The following RBFOX1 variants were observed in gnomAD, a reference collection of about 807,000 sequenced individuals.
RBFOX1 encodes RNA binding fox-1 homolog 1.
RBFOX1 carries 8 observed loss-of-function variants against 57.7 expected under a neutral mutation model. The ratio of observed to expected loss-of-function variants is 0.14; its 90% CI spans 0.08 to 0.25. The LOEUF is 0.25. RBFOX1 is among the 10% of genes least tolerant of loss of function. The pLI, the probability that RBFOX1 is intolerant of heterozygous loss-of-function variation, is 1.00. For synonymous variants in RBFOX1, 326 were observed against 222.4 expected, an observed-to-expected ratio of 1.47 and a Z score of -4.15; for missense variants, 611 against 548.5, an observed-to-expected ratio of 1.11 and a Z score of -1.14.
intron 3 of RBFOX1, among the ~76,000 whole-genome samples, chr16:6,992,872 T>C (rs902283669): frequency 6.7e-6 from 1 of 149,828 alleles, no homozygotes; most frequent in African/African-American, 2.5e-5. Flanking sequence ...GATACTTCAA[T>C]ATATTCAGTG....
At chr16:7,646,274 T>A (rs113472451) in intron 11 of RBFOX1, among the ~76,000 whole-genome samples, 2,221 of 152,300 alleles carry the variant, frequency 0.015, 65 homozygotes, top group African/African-American at 0.05. Flanking sequence ...TGGCTGGTGG[T>A]TTATTTCGCC....
chr16:5,397,102 A>G (rs923311198), intron 1 of RBFOX1, among the ~76,000 whole-genome samples: 2 of 152,192 alleles, frequency 1.3e-5, no homozygotes, highest in African/African-American at 4.8e-5. Flanking sequence ...GACATTTTAA[A>G]ACAATCAGCT....
At chr16:5,931,737 G>T (rs527773693) in intron 4 of RBFOX1, among the ~76,000 whole-genome samples, 2 of 152,128 alleles carry the variant, frequency 1.3e-5, no homozygotes, top group South Asian at 4.2e-4. Context: ...AATGGCCCCT[G>T]AGATTCCCTA....
intron 4 of RBFOX1, among the ~76,000 whole-genome samples, chr16:7,394,235 C>CAAAAAAAAAAAAAAAAAAAA (rs59934126): frequency 1.1e-4 from 6 of 55,038 alleles, no homozygotes; most frequent in Non-Finnish European, 1.2e-4. Flanking sequence ...GACTCCGCAT[C>CAAAAAAAAAAAAAAAAAAAA]AAAAAAAAAA....
At chr16:6,916,721 C>G (rs2073255489) in intron 3 of RBFOX1, among the ~76,000 whole-genome samples, 1 of 152,188 alleles carries the variant, frequency 6.6e-6, no homozygotes, top group Non-Finnish European at 1.5e-5. Flanking sequence ...CTTAAAAACT[C>G]TTGCATAAGC....
At chr16:6,943,786 C>G (rs1758016047) in intron 3 of RBFOX1, among the ~76,000 whole-genome samples, 1 of 151,826 alleles carries the variant, frequency 6.6e-6, no homozygotes, top group Non-Finnish European at 1.5e-5. Flanking sequence ...ACTTCAACCA[C>G]TCATAGACTG....
chr16:7,338,196 C>T (rs533955198), intron 4 of RBFOX1, among the ~76,000 whole-genome samples: 34 of 152,148 alleles, frequency 2.2e-4, no homozygotes, highest in African/African-American at 7.9e-4. Flanking sequence ...TTCCCTAATG[C>T]TCTCCCCACC....
At chr16:7,328,632 T>C (rs1328435991) in intron 4 of RBFOX1, 2 of 151,594 alleles carry the variant, frequency 1.3e-5, no homozygotes, top group Admixed American at 1.3e-4. Context: ...GAAGAATTTT[T>C]TTTTTTTTTT....
chr16:7,199,666 G>C (rs974868170), intron 4 of RBFOX1, among the ~76,000 whole-genome samples: 7 of 152,198 alleles, frequency 4.6e-5, no homozygotes, highest in Non-Finnish European at 7.3e-5. Flanking sequence ...GGCTGAGGCA[G>C]ACCAATCATT....
intron 1 of RBFOX1, among the ~76,000 whole-genome samples, chr16:6,047,227 C>T (rs146474286): frequency 6.8e-4 from 103 of 152,260 alleles, no homozygotes; most frequent in African/African-American, 2.4e-3. Flanking sequence ...TGTGTATGTG[C>T]GTGTGTTTCC....
At chr16:6,266,871 T>A (rs1196209106) in intron 1 of RBFOX1, among the ~76,000 whole-genome samples, 1 of 152,202 alleles carries the variant, frequency 6.6e-6, no homozygotes, top group Non-Finnish European at 1.5e-5. Context: ...TGTATGACAT[T>A]CAGTTCTGTG....
chr16:7,036,820 G>C (rs7198992), intron 3 of RBFOX1, among the ~76,000 whole-genome samples: 13,619 of 152,246 alleles, frequency 0.089, 1,001 homozygotes, highest in East Asian at 0.32. Flanking sequence ...AGAATGGCTA[G>C]TTCATAGACA....
At chr16:5,903,524 G>A (rs1272707383) in intron 4 of RBFOX1, among the ~76,000 whole-genome samples, 1 of 152,184 alleles carries the variant, frequency 6.6e-6, no homozygotes, top group African/African-American at 2.4e-5. Context: ...ACAGAAGGAA[G>A]AGGATGATAA....
chr16:6,996,367 G>A lies in RBFOX1; in HGVS notation c.-15-55690G>A, dbSNP rs191419800. 1.6e-3 allele frequency among the ~76,000 whole-genome samples: 237 copies of A among 152,180 alleles called. 2 individuals are homozygous for A. Among genetic ancestry groups the A allele is most frequent in the South Asian group, 0.01 (49 of 4,820 alleles). On this transcript the variant is annotated intron_variant, in intron 3 of 15. Transcript: ENST00000550418. ...TTTTCTGTTCTGTGGTTTTGTGCAT[G>A]TGTGTGTGTGCATATAAACATGTAT...
intron 1 of RBFOX1, among the ~76,000 whole-genome samples, chr16:6,252,345 C>G (rs975297995): frequency 1.3e-5 from 2 of 152,046 alleles, no homozygotes; most frequent in South Asian, 2.1e-4. Flanking sequence ...GAAATTGGAA[C>G]CTGCATCAGA....
chr16:5,403,974 T>C (rs1192009436), intron 1 of RBFOX1, among the ~76,000 whole-genome samples: 1 of 151,124 alleles, frequency 6.6e-6, no homozygotes, highest in Admixed American at 6.6e-5. Flanking sequence ...CAAGAAGGAC[T>C]TGGCCATGGG....
rs546734197 is a variant in RBFOX1, at chr16:7,014,875, C to T, written c.-15-37182C>T. Among the ~76,000 whole-genome samples, 36 of 152,146 alleles carry T rather than the reference C, an allele frequency of 2.4e-4. No homozygotes were observed. The South Asian group carries it at 3.5e-3, about 15-fold the overall frequency. ...GAGTAGCTGAGATTACAGGCATGTG[C>T]CACCACACCCGGCTAATTTTTTTGT... On this transcript the variant is annotated intron_variant, in intron 3 of 15. Transcript: ENST00000550418.
intron 2 of RBFOX1, among the ~76,000 whole-genome samples, chr16:6,510,158 G>A (rs2096221852): frequency 6.6e-6 from 1 of 152,118 alleles, no homozygotes; most frequent in South Asian, 2.1e-4. Context: ...GAGAAGAGTG[G>A]AAACATATGT....
In RBFOX1 at chr16:5,249,357, C is replaced by T. The variant is rs116323483; in HGVS notation, c.219+9252C>T. 8.2e-3 allele frequency among the ~76,000 whole-genome samples: 1,248 copies of T among 152,286 alleles called. 15 individuals carry two copies. Among genetic ancestry groups the T allele is most frequent in the African/African-American group, 0.028 (1,168 of 41,568 alleles). The stretch of plus-strand genomic sequence containing the variant: ...CCCTCAGACCGTCCTCCTGGAGGGG[C>T]CTGGCCGGGGCTTGTGTCCTTGCTA... On this transcript the variant is annotated intron_variant, in intron 1 of 2. Transcript: ENST00000585867.
Sources: allele counts gnomAD v4.1 joint callset (sites outside exome capture counted in the v4.1 genomes callset), GRCh38; gene constraint gnomAD v4.1.1; transcripts MANE v1.5; gene names NCBI Gene and HGNC (gene_info 2026-07-23, HGNC 2026-07-21).